Variants in PTPRT observed in about 807,000 individuals in gnomAD.
PTPRT encodes the protein receptor-type tyrosine-protein phosphatase T.
PTPRT carries 56 observed loss-of-function variants against 176.8 expected under a neutral mutation model. The ratio of observed to expected loss-of-function variants is 0.32; its 90% confidence interval spans 0.26 to 0.40. The LOEUF (loss-of-function observed/expected upper bound fraction) is 0.40. Ranked by LOEUF, PTPRT falls within the 10% of genes least tolerant of loss-of-function variation. The pLI is 1.00. For synonymous variants in PTPRT, 783 were observed against 739.0 expected (o/e 1.06, Z -0.96); for missense variants, 1,540 against 1,908.2 (o/e 0.81, Z 3.60).
the PTPRT span, among the ~76,000 whole-genome samples, chr20:42,044,874 C>A: frequency 1.3e-5 from 2 of 152,142 alleles, no homozygotes; most frequent in Admixed American, 6.5e-5. Flanking sequence ...GTGCTGTCTT[C>A]CTTTGTGGAA....
chr20:42,260,501 C>A (rs2056730333), intron 13 of PTPRT, among the ~76,000 whole-genome samples: 1 of 152,210 alleles, frequency 6.6e-6, no homozygotes, highest in Non-Finnish European at 1.5e-5. Context: ...TGCCCTGCAG[C>A]AAAGTGATAG....
intron 7 of PTPRT, among the ~76,000 whole-genome samples, chr20:42,574,183 T>A (rs1291928750): frequency 1.3e-5 from 2 of 152,184 alleles, no homozygotes; most frequent in African/African-American, 4.8e-5. Context: ...GCAGCCAGTA[T>A]TTTATTTAAA....
At chr20:42,115,925 T>C in intron 21 of PTPRT, 2 of 652,036 alleles carry the variant, frequency 3.1e-6, no homozygotes, top group Non-Finnish European at 2.8e-6. Flanking sequence ...AGATGCGCAG[T>C]TCCTCTCTGA....
In PTPRT at chr20:42,879,031, A is replaced by AAAAAC. The variant is rs200631530; in HGVS notation, c.214+6771_214+6775dup. On this transcript the variant is annotated intron_variant, in intron 2 of 30. Coordinates refer to ENST00000373187, the MANE Select transcript of PTPRT (RefSeq NM_007050.6). The stretch of plus-strand genomic sequence containing the variant: ...GCGACCGAGCGAGACTCCATCTCAA[A>AAAAAC]AAAACAAAACAAAACAAAAAAACAG... 6.6e-5 allele frequency among the ~76,000 whole-genome samples: 10 copies of AAAAAC among 152,288 alleles called. No homozygotes were observed. The East Asian group carries it at 1.5e-3, about 24-fold the overall frequency.
At chr20:43,162,591 A>T (rs1368418214) in intron 1 of PTPRT, among the ~76,000 whole-genome samples, 1 of 152,084 alleles carries the variant, frequency 6.6e-6, no homozygotes, top group Non-Finnish European at 1.5e-5. Context: ...ACATAACATC[A>T]CCTCTTTGAA....
At chr20:42,125,352 A>C (rs1425608556) in intron 19 of PTPRT, among the ~76,000 whole-genome samples, 1 of 152,234 alleles carries the variant, frequency 6.6e-6, no homozygotes, top group Non-Finnish European at 1.5e-5. Context: ...ACCCAAGATC[A>C]TAAAGCTAGT....
intron 15 of PTPRT, among the ~76,000 whole-genome samples, chr20:42,214,146 G>T (rs925874758): frequency 2.0e-5 from 3 of 152,082 alleles, no homozygotes; most frequent in Non-Finnish European, 4.4e-5. Context: ...GCTTTCAGAG[G>T]CAGAGCTAGG....
the PTPRT span, chr20:42,063,397 G>A: frequency 6.6e-6 from 1 of 152,288 alleles, no homozygotes; most frequent in African/African-American, 2.4e-5. Flanking sequence ...GTCCCTTGAG[G>A]CCCTGCTGGG....
At chr20:43,049,732 G>A (rs1986975411) in intron 1 of PTPRT, among the ~76,000 whole-genome samples, 1 of 152,114 alleles carries the variant, frequency 6.6e-6, no homozygotes, top group Non-Finnish European at 1.5e-5. Flanking sequence ...CTTTCCTGGG[G>A]GCAACTGGCA....
chr20:42,870,375 C>T (rs547303568), intron 2 of PTPRT, among the ~76,000 whole-genome samples: 3 of 152,286 alleles, frequency 2.0e-5, no homozygotes, highest in Admixed American at 6.5e-5. Flanking sequence ...CCATTGTATG[C>T]GTATACCACA....
rs71335847 is a variant in PTPRT at position 42,217,376 on chromosome 20, T to TACACACAC, written c.2343-17996_2343-17989dup. Among the ~76,000 whole-genome samples the TACACACAC allele has an allele frequency of 2.7e-3, 281 of 104,364 alleles. 6 individuals carry two copies. The highest frequency in any genetic ancestry group is 8.2e-3 in the East Asian group (29 of 3,546). 68.5% of individuals were successfully genotyped at this position (104,364 alleles called of 152,430 possible). A position where few individuals can be genotyped will look rare whatever the true frequency, so the allele number is the denominator to read the frequency against. ...GGGGATAGAGTGAGACTCTCAAACA[T>TACACACAC]ACACACACACACACACACACACACA... is the stretch of plus-strand genomic sequence containing the variant. On this transcript the variant is annotated intron_variant, in intron 15 of 30. Coordinates refer to ENST00000373187, the MANE Select transcript of PTPRT (RefSeq NM_007050.6).
chr20:42,459,378 A>G (rs990515009), intron 8 of PTPRT, among the ~76,000 whole-genome samples: 1 of 152,196 alleles, frequency 6.6e-6, no homozygotes, highest in African/African-American at 2.4e-5. Context: ...GAGGGTTGGG[A>G]GCAGAGGGAG....
chr20:42,188,405 C>G (rs972044276), intron 16 of PTPRT, among the ~76,000 whole-genome samples: 2 of 151,946 alleles, frequency 1.3e-5, no homozygotes, highest in Non-Finnish European at 1.5e-5. Context: ...AAACTAGGTT[C>G]AAGCCCTGGG....
chr20:42,781,847 T>C (rs1299598896), intron 3 of PTPRT, among the ~76,000 whole-genome samples: 1 of 152,242 alleles, frequency 6.6e-6, no homozygotes, highest in Non-Finnish European at 1.5e-5. Context: ...AGGAAGATAG[T>C]ACAGTGCTTA....
chr20:42,505,680 T>A (rs2071832052), intron 7 of PTPRT, among the ~76,000 whole-genome samples: 1 of 152,072 alleles, frequency 6.6e-6, no homozygotes, highest in African/African-American at 2.4e-5. Flanking sequence ...AATTTTAGGG[T>A]CATAGAAGGA....
At chr20:42,725,306 C>G (rs2076363364) in intron 6 of PTPRT, among the ~76,000 whole-genome samples, 1 of 151,814 alleles carries the variant, frequency 6.6e-6, no homozygotes, top group Non-Finnish European at 1.5e-5. Context: ...AAACCTTCCT[C>G]AATAAACTCT....
intron 9 of PTPRT, among the ~76,000 whole-genome samples, chr20:42,391,754 T>C (rs1190161685): frequency 1.3e-5 from 2 of 152,242 alleles, no homozygotes; most frequent in African/African-American, 4.8e-5. Flanking sequence ...CCTGATTATG[T>C]CTTGCCCCTG....
chr20:42,890,124 CTCA>C (rs1338849278), intron 1 of PTPRT, among the ~76,000 whole-genome samples: 1 of 152,170 alleles, frequency 6.6e-6, no homozygotes, highest in Non-Finnish European at 1.5e-5. Flanking sequence ...GAGACTGTTT[CTCA>C]TCATCATTCT....
intron 1 of PTPRT, among the ~76,000 whole-genome samples, chr20:43,179,927 C>T (rs1035884093): frequency 2.6e-5 from 4 of 152,188 alleles, no homozygotes; most frequent in Non-Finnish European, 4.4e-5. Context: ...TGTGTCAACT[C>T]GGCTGGGCTA....
Sources: gnomAD v4.1 joint callset for allele counts (sites outside exome capture counted in the v4.1 genomes callset) on GRCh38, gnomAD v4.1.1 for gene constraint, MANE v1.5 for transcripts, NCBI Gene and HGNC (gene_info 2026-07-23, HGNC 2026-07-21) for gene names.